Variants in STN1 observed in about 807,000 individuals in gnomAD.
The protein encoded by STN1 is CST complex subunit STN1.
STN1 carries 29 observed loss-of-function variants against 45.5 expected under a neutral mutation model. The observed-to-expected ratio is 0.64, with a 90% CI of 0.47 to 0.87. The LOEUF (loss-of-function observed/expected upper bound fraction) is 0.87, where lower values mean the gene tolerates loss of function less well. Ranked by LOEUF, STN1 falls within the 40% of genes least tolerant of loss-of-function variation. The pLI is 0.00. For missense variants in STN1, 376 were observed against 441.4 expected (o/e 0.85, Z 1.33); for synonymous variants, 148 against 159.0 (o/e 0.93, Z 0.52).
At chr10:103,893,721 A>G (rs1843154876) in intron 7 of STN1, among the ~76,000 whole-genome samples, 1 of 152,164 alleles carries the variant, frequency 6.6e-6, no homozygotes, top group Non-Finnish European at 1.5e-5. Context: ...GTCCGTCCCA[A>G]AGTAACCTTC....
At chr10:103,897,516 C>A in intron 7 of STN1, 32 bp downstream of exon 7, 1 of 1,605,220 alleles carries the variant, frequency 6.2e-7, no homozygotes, top group East Asian at 2.2e-5. Context: ...GGGCAGGGAA[C>A]CAGAATTCTC....
In STN1 at chr10:103,889,150, T is replaced by C. The variant is rs761615727; in HGVS notation, c.877-6A>G. ...TCTTTGTCTTCTCTGGTTACCTAAA[T>C]AGGAAAAATAGTTGAGAGAGAGAGT... On this transcript the variant is annotated splice_region_variant and splice_polypyrimidine_tract_variant and intron_variant, in intron 8 of 9. Coordinates refer to ENST00000224950, the MANE Select transcript of STN1 (RefSeq NM_024928.5). 2.5e-6 allele frequency: 4 copies of C among 1,599,494 alleles called. No homozygotes were observed. Among genetic ancestry groups the C allele is most frequent in the Admixed American group, 1.7e-5 (1 of 59,980 alleles).
At chr10:103,917,370 C>G in intron 2 of STN1, 92 bp downstream of exon 2, 1 of 1,237,588 alleles carries the variant, frequency 8.1e-7, no homozygotes, top group Admixed American at 2.6e-5. Flanking sequence ...GCAGGGAAGG[C>G]TCTCCTAAAA....
In STN1 at chr10:103,898,941, T is replaced by A; in HGVS notation, c.517A>T (p.Ile173Phe). 1 of 1,614,106 alleles carries A rather than the reference T, an allele frequency of 6.2e-7. No homozygotes were observed. The highest frequency in any genetic ancestry group is 8.5e-7 in the Non-Finnish European group (1 of 1,179,986). ...GGCTGGTCATAAACTTTCCTGTAGA[T>A]AGTGGGCAGCTCAAGCATCCTTGCA... Reference protein sequence around the residue: ...QIARMLELPTIYRKVYDQPFH... With the variant: ...QIARMLELPTFYRKVYDQPFH... Residue 173 changes from isoleucine (I) to phenylalanine (F), a missense_variant, in exon 6 of 10, where the codon ATC becomes TTC. Physicochemically the swap from Ile to Phe is conservative, Grantham distance 21. Transcript: ENST00000224950.
In STN1 at chr10:103,895,036, G is replaced by A. The variant is rs575264148; in HGVS notation, c.753+2512C>T. Among the ~76,000 whole-genome samples the A allele has an allele frequency of 5.3e-5, 8 of 152,176 alleles. No individual in the cohort carries two copies. The South Asian group carries it at 1.5e-3, about 28-fold the overall frequency. ...CAACAGAAAGTGCCAAAGGATCTAG[G>A]GTTTCAGTCTCATTGTAAAGCACCT... On this transcript the variant is annotated intron_variant, in intron 7 of 9. Coordinates refer to ENST00000224950, the MANE Select transcript of STN1 (RefSeq NM_024928.5).
rs1449578346 is a variant in STN1 at position 103,880,356 on chromosome 10, AG to A, written c.*2327del. 6.6e-6 allele frequency among the ~76,000 whole-genome samples: 1 copy of A among 152,228 alleles called. No homozygotes were observed. Among genetic ancestry groups the A allele is most frequent in the Non-Finnish European group, 1.5e-5 (1 of 68,038 alleles). On this transcript the variant is annotated 3_prime_UTR_variant, in exon 10 of 10. Transcript: ENST00000224950. ...GTTATTCAGAAAGAACAATTGGGAAAGGGTGGGCAAACAGGAACAGAAGTTC... is the reference window on the plus strand; with the variant it reads ...GTTATTCAGAAAGAACAATTGGGAAAGGTGGGCAAACAGGAACAGAAGTTC...
At chr10:103,889,349 G>T (rs1843123752) in intron 8 of STN1, among the ~76,000 whole-genome samples, 1 of 151,998 alleles carries the variant, frequency 6.6e-6, no homozygotes, top group African/African-American at 2.4e-5. Flanking sequence ...TTGGTTCATT[G>T]GGGCAATGAG....
intron 2 of STN1, among the ~76,000 whole-genome samples, chr10:103,911,370 C>T (rs1448443100): frequency 1.3e-5 from 2 of 151,994 alleles, no homozygotes; most frequent in Non-Finnish European, 1.5e-5. Flanking sequence ...CTGCCTGTCC[C>T]CCAATAACCT....
chr10:103,904,314 T>TA (rs1357668449), intron 4 of STN1, among the ~76,000 whole-genome samples: 1 of 151,998 alleles, frequency 6.6e-6, no homozygotes, highest in African/African-American at 2.4e-5. Flanking sequence ...GAACTTAAAT[T>TA]AAAAAATATC....
rs540554912 is a variant in STN1, at chr10:103,882,184, T to A, written c.*500A>T. Among the ~76,000 whole-genome samples the A allele has an allele frequency of 3.7e-3, 454 of 121,704 alleles. 1 individual carries two copies. The highest frequency in any genetic ancestry group is 0.014 in the Middle Eastern group (3 of 222). The allele number at this position is 121,704 out of a possible 152,430, so 79.8% of individuals were successfully genotyped here. On this transcript the variant is annotated 3_prime_UTR_variant, in exon 10 of 10. Coordinates refer to ENST00000224950, the MANE Select transcript of STN1 (RefSeq NM_024928.5). ...GAGCCACAGAAACTGTAAGCACTCA[T>A]CCAGGGAGAACTACTCCCCTAAACC...
At chr10:103,911,089 T>A (rs571193621) in intron 2 of STN1, among the ~76,000 whole-genome samples, 70 of 150,312 alleles carry the variant, frequency 4.7e-4, no homozygotes, top group African/African-American at 1.4e-3. Flanking sequence ...AGCATTTTTT[T>A]TAAAAAAAAA....
rs1430675862 is a variant in STN1, at chr10:103,878,986, G to A, written c.*3698C>T. 1 of 152,338 alleles carries A rather than the reference G, an allele frequency of 6.6e-6. No homozygotes were observed. The highest frequency in any genetic ancestry group is 2.4e-5 in the African/African-American group (1 of 41,438). The allele number at this position is 152,338 out of a possible 1,614,324, so 9.4% of individuals were successfully genotyped here. A position where few individuals can be genotyped will look rare whatever the true frequency, so the allele number is the denominator to read the frequency against. On this transcript the variant is annotated 3_prime_UTR_variant, in exon 10 of 10. Transcript: ENST00000224950. ...CTGTGGAAAAGAGTATGGAACGTGTGCCTCAGCAATGCTTACCTGAGGGCG... is the reference window on the plus strand; with the variant it reads ...CTGTGGAAAAGAGTATGGAACGTGTACCTCAGCAATGCTTACCTGAGGGCG...
intron 7 of STN1, among the ~76,000 whole-genome samples, chr10:103,895,529 G>T (rs919306563): frequency 6.6e-6 from 1 of 152,214 alleles, no homozygotes; most frequent in East Asian, 1.9e-4. Flanking sequence ...CAGCTGGAGC[G>T]CTGCAACTGT....
rs1339311675 is a variant in STN1, at chr10:103,900,142, A to G, written c.377T>C (p.Ile126Thr). The G allele has an allele frequency of 6.2e-7, 1 of 1,614,134 alleles. No individual in the cohort carries two copies. Among genetic ancestry groups the G allele is most frequent in the Admixed American group, 1.7e-5 (1 of 60,004 alleles). ...GACTCGGATCGTGTCCCCGATCTCT[A>G]TCTTTGTTTTCTGCTCAATGGTCTC... ...LQETIEQKTKIEIGDTIRVRG... is the reference protein window; with the variant it reads ...LQETIEQKTKTEIGDTIRVRG... The change falls in exon 5 of 10, where the codon ATA becomes ACA. Residue 126 changes from isoleucine to threonine, a missense_variant. By Grantham distance (89) the Ile-to-Thr change is moderately conservative. Transcript: ENST00000224950.
At chr10:103,886,784 T>C (rs1843106305) in intron 9 of STN1, among the ~76,000 whole-genome samples, 1 of 152,212 alleles carries the variant, frequency 6.6e-6, no homozygotes, top group South Asian at 2.1e-4. Flanking sequence ...TAAAAACCCA[T>C]CTTGTAGGTA....
rs1843143966 is a variant in STN1, at chr10:103,892,185, A to G, written c.821T>C (p.Leu274Pro). ...HSIFKNAIQL[L>P]QEKGLVFQKD... ...CTGGAAAACAAGTCCTTTTTCCTGCAGCAGTTGTATAGCATTCTTAAATAT... is the reference window on the plus strand; with the variant it reads ...CTGGAAAACAAGTCCTTTTTCCTGCGGCAGTTGTATAGCATTCTTAAATAT... Residue 274 changes from leucine to proline, a missense_variant, in exon 8 of 10, where the codon CTG (leucine) becomes CCG (proline). Transcript: ENST00000224950. 3 of 1,612,674 alleles carry G rather than the reference A, an allele frequency of 1.9e-6. No individual in the cohort carries two copies. The African/African-American group carries it at 4.0e-5, about 22-fold the overall frequency.
chr10:103,890,311 A>T (rs1843131403), intron 8 of STN1, among the ~76,000 whole-genome samples: 1 of 152,212 alleles, frequency 6.6e-6, no homozygotes, highest in Admixed American at 6.5e-5. Flanking sequence ...GTCATGTGTG[A>T]GAGCTGCTGA....
chr10:103,890,018 T>C (rs1002013900), intron 8 of STN1, among the ~76,000 whole-genome samples: 6 of 152,142 alleles, frequency 3.9e-5, no homozygotes, highest in Non-Finnish European at 8.8e-5. Flanking sequence ...TTAGTCTTTT[T>C]TAACCAGCTC....
At chr10:103,886,405 T>C (rs1843103554) in intron 9 of STN1, among the ~76,000 whole-genome samples, 1 of 151,988 alleles carries the variant, frequency 6.6e-6, no homozygotes, top group African/African-American at 2.4e-5. Context: ...TTTAATTTTT[T>C]TTTTTTTGAT....
Sources: gnomAD v4.1 joint callset for allele counts (sites outside exome capture counted in the v4.1 genomes callset) on GRCh38, gnomAD v4.1.1 for gene constraint, MANE v1.5 for transcripts, NCBI Gene and HGNC (gene_info 2026-07-23, HGNC 2026-07-21) for gene names.